The following ABCA6 variants were observed in gnomAD, a reference collection of about 807,000 sequenced individuals.
The protein encoded by ABCA6 is ATP binding cassette subfamily A member 6.
In ABCA6, 164 loss-of-function variants were observed where a neutral mutation model predicts 191.2. The observed-to-expected ratio is 0.86, with a 90% CI of 0.76 to 0.98. ABCA6 has a LOEUF of 0.98. Ranked by LOEUF, ABCA6 falls within the 50% of genes least tolerant of loss-of-function variation. The probability of loss-of-function intolerance (pLI) is 0.00; values close to 1 mark genes in which losing one functional copy is unlikely to be tolerated. For synonymous variants in ABCA6, 636 were observed against 647.7 expected (o/e 0.98, Z 0.27); for missense variants, 1,958 against 1,894.1 (o/e 1.03, Z -0.63).
chr17:69,138,386 C>A (rs2073981259), intron 2 of ABCA6, among the ~76,000 whole-genome samples: 1 of 152,142 alleles, frequency 6.6e-6, no homozygotes, highest in Non-Finnish European at 1.5e-5. Flanking sequence ...TCCTTCACGT[C>A]CCTTGTAAGT....
chr17:69,128,588 T>C, intron 8 of ABCA6, 31 bp downstream of exon 8: 2 of 1,556,390 alleles, frequency 1.3e-6, no homozygotes, highest in Non-Finnish European at 1.7e-6. Context: ...TTTTGAAATT[T>C]CAGTAATAAA....
chr17:69,106,164 T>A lies in ABCA6; in HGVS notation c.2437A>T (p.Met813Leu). Residue 813 changes from methionine (M) to leucine (L), a missense_variant, in exon 19 of 39, where the codon ATG (methionine) becomes TTG (leucine). Met to Leu is a conservative substitution (Grantham distance 15). Coordinates refer to ENST00000284425, the MANE Select transcript of ABCA6 (RefSeq NM_080284.3). ...GAGAAGGAAGAGTGAGCCAGCTCCA[T>A]TTCATTGAGGCTTTCTGAGTCTCTT... The part of the protein sequence containing the change: ...MIRDSESLNE[M>L]ELAHSSFSEM... The A allele has an allele frequency of 1.2e-6, 2 of 1,613,826 alleles. No homozygotes were observed. Among genetic ancestry groups the A allele is most frequent in the Non-Finnish European group, 1.7e-6 (2 of 1,179,826 alleles).
At chr17:69,134,539 G>T in intron 5 of ABCA6, 100 bp downstream of exon 5, 1 of 795,308 alleles carries the variant, frequency 1.3e-6, no homozygotes, top group Admixed American at 2.4e-5. Context: ...TTTTGTTGTA[G>T]CAGTACAAAC....
chr17:69,120,654 C>T (rs947940756), intron 10 of ABCA6, among the ~76,000 whole-genome samples: 2 of 151,894 alleles, frequency 1.3e-5, no homozygotes, highest in African/African-American at 4.8e-5. Flanking sequence ...AAATGGAATC[C>T]CTGTTGAAGT....
intron 21 of ABCA6, 93 bp downstream of exon 21, chr17:69,102,742 G>A: frequency 8.1e-7 from 1 of 1,240,676 alleles, no homozygotes; most frequent in Non-Finnish European, 1.1e-6. Flanking sequence ...TCTGAGTCAA[G>A]TTTCTGTATA....
At chr17:69,114,104 C>T (rs1248180686) in intron 13 of ABCA6, among the ~76,000 whole-genome samples, 1 of 152,114 alleles carries the variant, frequency 6.6e-6, no homozygotes, top group Non-Finnish European at 1.5e-5. Context: ...GCTATAAAGA[C>T]ACATGCACAC....
In ABCA6 at chr17:69,124,872, A is replaced by T. The variant is rs1162771764; in HGVS notation, c.1267+16T>A. ...TAATAACTGTAGAGGACAGAGAAAAACTCACTATTACTTACAGGGTAAAAT... is the reference window on the plus strand; with the variant it reads ...TAATAACTGTAGAGGACAGAGAAAATCTCACTATTACTTACAGGGTAAAAT... On this transcript the variant is annotated intron_variant, in intron 9 of 38. Coordinates refer to ENST00000284425, the MANE Select transcript of ABCA6 (RefSeq NM_080284.3). 6.6e-7 allele frequency: 1 copy of T among 1,504,130 alleles called. No homozygotes were observed. The highest frequency in any genetic ancestry group is 2.1e-5 in the Admixed American group (1 of 48,726). 93.2% of individuals were successfully genotyped at this position (1,504,130 alleles called of 1,614,324 possible). A position where few individuals can be genotyped will look rare whatever the true frequency, so the allele number is the denominator to read the frequency against.
Position 69,133,498 on chromosome 17 carries a change from C to G in ABCA6, c.791+143G>C. On this transcript the variant is annotated intron_variant, in intron 6 of 38. Transcript: ENST00000284425. ...CACTATTTTGCATGGCAAAATTTAACAGACTAAGTAAAAAACTCAGAACAA... is the reference window on the plus strand; with the variant it reads ...CACTATTTTGCATGGCAAAATTTAAGAGACTAAGTAAAAAACTCAGAACAA... 1.1e-5 allele frequency: 7 copies of G among 648,606 alleles called. No individual in the cohort carries two copies. In the South Asian group the frequency reaches 1.6e-4, roughly 15 times the overall value. 40.2% of individuals were successfully genotyped at this position (648,606 alleles called of 1,614,324 possible). A position where few individuals can be genotyped will look rare whatever the true frequency, so the allele number is the denominator to read the frequency against.
intron 25 of ABCA6, among the ~76,000 whole-genome samples, chr17:69,092,393 G>A (rs28620744): frequency 0.015 from 2,305 of 152,126 alleles, 44 homozygotes; most frequent in African/African-American, 0.052. Flanking sequence ...TCACTCTTAA[G>A]TCCTTCAGTT....
intron 13 of ABCA6, 129 bp from the exon 14 acceptor site, chr17:69,113,866 A>G: frequency 1.5e-6 from 1 of 649,774 alleles, no homozygotes; most frequent in South Asian, 1.9e-5. Flanking sequence ...ACAATGAGAT[A>G]TCACCTCACA....
intron 6 of ABCA6, among the ~76,000 whole-genome samples, chr17:69,132,495 T>C (rs1212929002): frequency 2.0e-5 from 3 of 152,184 alleles, no homozygotes; most frequent in Non-Finnish European, 4.4e-5. Flanking sequence ...TATGTTTGTT[T>C]GTTTTTATGG....
intron 27 of ABCA6, among the ~76,000 whole-genome samples, chr17:69,088,922 G>A (rs1271194184): frequency 6.6e-6 from 1 of 152,022 alleles, no homozygotes; most frequent in Non-Finnish European, 1.5e-5. Flanking sequence ...TGCTCTTCTC[G>A]AAGCCTTTCC....
rs946819604 is a variant in ABCA6 at position 69,078,763 on chromosome 17, C to T, written c.*210G>A. ...GTGCCTGACTCTTTGGGTGACTTTACTAATATTTTGTATTGCCTTTATCAC... is the reference window on the plus strand; with the variant it reads ...GTGCCTGACTCTTTGGGTGACTTTATTAATATTTTGTATTGCCTTTATCAC... On this transcript the variant is annotated 3_prime_UTR_variant, in exon 39 of 39. Coordinates refer to ENST00000284425, the MANE Select transcript of ABCA6 (RefSeq NM_080284.3). The T allele has an allele frequency of 2.6e-5, 10 of 378,214 alleles. No homozygotes were observed. The highest frequency in any genetic ancestry group is 4.2e-5 in the Non-Finnish European group (9 of 214,668). 23.4% of individuals were successfully genotyped at this position (378,214 alleles called of 1,614,324 possible).
intron 2 of ABCA6, among the ~76,000 whole-genome samples, chr17:69,138,964 T>G (rs2073988972): frequency 6.6e-6 from 1 of 152,106 alleles, no homozygotes; most frequent in Non-Finnish European, 1.5e-5. Flanking sequence ...ATTAAAGACT[T>G]AAACGTTAGA....
intron 21 of ABCA6, among the ~76,000 whole-genome samples, chr17:69,101,991 C>G (rs1282536610): frequency 2.0e-5 from 3 of 152,214 alleles, no homozygotes; most frequent in Non-Finnish European, 4.4e-5. Flanking sequence ...GGGAGCTTCA[C>G]TTAATTAGGC....
chr17:69,129,818 A>G, intron 6 of ABCA6, 67 bp from the exon 7 acceptor site: 3 of 1,220,918 alleles, frequency 2.5e-6, no homozygotes, highest in Non-Finnish European at 3.4e-6. Flanking sequence ...TATATACAAA[A>G]GCATCTAAAG....
chr17:69,114,084 A>G (rs903669904), intron 13 of ABCA6, among the ~76,000 whole-genome samples: 7 of 152,170 alleles, frequency 4.6e-5, no homozygotes, highest in Admixed American at 1.3e-4. Context: ...AAAGGATTAT[A>G]AATCATGCTG....
chr17:69,107,496 T>A (rs2073330573), intron 18 of ABCA6, among the ~76,000 whole-genome samples, 200 bp downstream of exon 18: 1 of 152,094 alleles, frequency 6.6e-6, no homozygotes, highest in African/African-American at 2.4e-5. Context: ...AAAGGAAACT[T>A]GGTAGATGCC....
intron 32 of ABCA6, 109 bp downstream of exon 32, chr17:69,084,919 G>C (rs2072739381): frequency 3.0e-6 from 4 of 1,353,854 alleles, no homozygotes; most frequent in Non-Finnish European, 3.9e-6. Context: ...TGACACTCTG[G>C]AAAGGTGGAG....
Sources: allele counts gnomAD v4.1 joint callset (sites outside exome capture counted in the v4.1 genomes callset), GRCh38; gene constraint gnomAD v4.1.1; transcripts MANE v1.5; gene names NCBI Gene and HGNC (gene_info 2026-07-23, HGNC 2026-07-21).